The following ATG7 variants were observed in gnomAD, a reference collection of about 807,000 sequenced individuals.
ATG7 encodes autophagy related 7, also known as ubiquitin-like modifier-activating enzyme ATG7.
A neutral mutation model predicts 82.4 loss-of-function variants in ATG7; 70 were observed. The observed-to-expected ratio is 0.85, with a 90% CI of 0.70 to 1.04. The LOEUF is 1.04. Among genes scored for constraint, ATG7 ranks in the 50% least tolerant of loss-of-function variants. ATG7 has a pLI of 0.00. For synonymous variants in ATG7, 287 were observed against 313.0 expected (o/e 0.92, Z 0.88); for missense variants, 792 against 864.3 (o/e 0.92, Z 1.05).
intron 19 of ATG7, among the ~76,000 whole-genome samples, chr3:11,404,220 C>T (rs973940449): frequency 6.8e-6 from 1 of 147,842 alleles, no homozygotes; most frequent in African/African-American, 2.5e-5. Context: ...ACTGCAACCT[C>T]CATCTCCCGG....
At chr3:11,298,234 A>G (rs1267134341) in intron 3 of ATG7, among the ~76,000 whole-genome samples, 1 of 152,200 alleles carries the variant, frequency 6.6e-6, no homozygotes, top group Non-Finnish European at 1.5e-5. Flanking sequence ...ACACAGGCCA[A>G]TTAGGATGGT....
chr3:11,299,361 G>A lies in ATG7; in HGVS notation c.161-1G>A. 2 of 1,610,106 alleles carry A rather than the reference G, an allele frequency of 1.2e-6. No homozygotes were observed. The highest frequency in any genetic ancestry group is 1.7e-6 in the Non-Finnish European group (2 of 1,176,404). ...GAAAATGTGATAATGCTTCTGTCCA[G>A]GTGACTCTGCTGGGCTGCCAGCTCG... On this transcript the variant is annotated splice_acceptor_variant, in intron 4 of 20. Coordinates refer to ENST00000693202, the MANE Select transcript of ATG7 (RefSeq NM_001349232.2). LOFTEE classifies it high-confidence loss of function.
At chr3:11,284,713 T>C (rs538624200) in intron 3 of ATG7, among the ~76,000 whole-genome samples, 1 of 152,070 alleles carries the variant, frequency 6.6e-6, no homozygotes, top group South Asian at 2.1e-4. Context: ...CACCACTCCA[T>C]AATAATTTTT....
At chr3:11,343,417 G>A (rs554181653) in intron 13 of ATG7, among the ~76,000 whole-genome samples, 9 of 152,028 alleles carry the variant, frequency 5.9e-5, no homozygotes, top group Non-Finnish European at 1.3e-4. Flanking sequence ...TCTTTTGTGA[G>A]TTTTATTTCT....
chr3:11,372,239 C>T (rs574733938), intron 18 of ATG7, among the ~76,000 whole-genome samples: 1 of 151,072 alleles, frequency 6.6e-6, no homozygotes, highest in Admixed American at 6.6e-5. Context: ...TCTGTGATTC[C>T]CAGGTGGGTT....
At chr3:11,336,623 A>G (rs1414830190) in intron 11 of ATG7, among the ~76,000 whole-genome samples, 2 of 152,256 alleles carry the variant, frequency 1.3e-5, no homozygotes, top group East Asian at 3.9e-4. Flanking sequence ...AAGACATCCC[A>G]TAGTTGCCAT....
At chr3:11,391,026 G>T (rs1226642674) in intron 19 of ATG7, among the ~76,000 whole-genome samples, 3 of 152,204 alleles carry the variant, frequency 2.0e-5, no homozygotes, top group African/African-American at 7.2e-5. Context: ...GAGCTCGTGT[G>T]ATGGGTGTCA....
chr3:11,519,782 C>T (rs538446597), intron 20 of ATG7, among the ~76,000 whole-genome samples: 3 of 151,822 alleles, frequency 2.0e-5, no homozygotes, highest in Non-Finnish European at 4.4e-5. Flanking sequence ...AGGATAATCT[C>T]GATCTCCTGA....
intron 20 of ATG7, among the ~76,000 whole-genome samples, chr3:11,464,139 A>C (rs2086606502): frequency 6.6e-6 from 1 of 152,264 alleles, no homozygotes. Flanking sequence ...TGGGAGGCCA[A>C]GGCAGGCGGA....
chr3:11,489,436 T>C (rs868746386), intron 20 of ATG7, among the ~76,000 whole-genome samples: 35 of 151,896 alleles, frequency 2.3e-4, no homozygotes, highest in African/African-American at 7.7e-4. Context: ...AACCAGCTCC[T>C]GGATTCATTA....
At chr3:11,291,144 C>T (rs1482503160) in intron 3 of ATG7, among the ~76,000 whole-genome samples, 2 of 152,200 alleles carry the variant, frequency 1.3e-5, no homozygotes, top group Non-Finnish European at 2.9e-5. Context: ...AAACAAGTTA[C>T]ATTTGTCCTT....
intron 3 of ATG7, among the ~76,000 whole-genome samples, chr3:11,292,546 C>T (rs1453819039): frequency 6.6e-6 from 1 of 151,592 alleles, no homozygotes; most frequent in Non-Finnish European, 1.5e-5. Context: ...AGGCGTGAGC[C>T]ACCACACCCA....
the ATG7 span, chr3:11,564,698 C>A: frequency 7.1e-7 from 1 of 1,416,062 alleles, no homozygotes. Flanking sequence ...ACCTCCCTCC[C>A]TCACCACCGC....
At chr3:11,395,587 T>G (rs1322790064) in intron 19 of ATG7, among the ~76,000 whole-genome samples, 2 of 152,142 alleles carry the variant, frequency 1.3e-5, no homozygotes, top group Admixed American at 6.6e-5. Flanking sequence ...AATAACTTCT[T>G]TAGTGTGCTG....
At chr3:11,384,569 G>A (rs926718898) in intron 19 of ATG7, among the ~76,000 whole-genome samples, 4 of 152,120 alleles carry the variant, frequency 2.6e-5, no homozygotes, top group Admixed American at 1.3e-4. Flanking sequence ...CTGGTAAATC[G>A]TACTTTGTTT....
At chr3:11,375,305 C>T (rs182760897) in intron 18 of ATG7, among the ~76,000 whole-genome samples, 7 of 152,180 alleles carry the variant, frequency 4.6e-5, no homozygotes, top group Admixed American at 2.6e-4. Context: ...AACAAACTTA[C>T]AATACAGCAA....
intron 14 of ATG7, among the ~76,000 whole-genome samples, chr3:11,355,306 G>A (rs936999197): frequency 2.6e-5 from 4 of 152,150 alleles, no homozygotes; most frequent in African/African-American, 7.2e-5. Flanking sequence ...GTTTCGAGGG[G>A]AAAGCATCTT....
intron 20 of ATG7, among the ~76,000 whole-genome samples, chr3:11,464,023 T>G (rs2086593185): frequency 6.6e-6 from 1 of 152,182 alleles, no homozygotes; most frequent in Non-Finnish European, 1.5e-5. Flanking sequence ...AGAGGAATGA[T>G]TAAATCATTT....
chr3:11,323,622 C>A (rs527292007), intron 9 of ATG7, among the ~76,000 whole-genome samples: 1 of 152,196 alleles, frequency 6.6e-6, no homozygotes, highest in Non-Finnish European at 1.5e-5. Context: ...TCATTCAGAG[C>A]AGTTATTGAA....
Sources: gnomAD v4.1 joint callset for allele counts (sites outside exome capture counted in the v4.1 genomes callset) on GRCh38, gnomAD v4.1.1 for gene constraint, MANE v1.5 for transcripts, NCBI Gene and HGNC (gene_info 2026-07-23, HGNC 2026-07-21) for gene names.